MAP4K4: variants seen among roughly 807,000 people sequenced by gnomAD.
The protein encoded by MAP4K4 is mitogen-activated protein kinase kinase kinase kinase 4, also known as HPK/GCK-like kinase HGK.
MAP4K4 carries 38 observed loss-of-function variants against 189.6 expected under a neutral mutation model. The ratio of observed to expected loss-of-function variants is 0.20; its 90% CI spans 0.15 to 0.26. The LOEUF (loss-of-function observed/expected upper bound fraction) is 0.26, where lower values mean the gene tolerates loss of function less well. Ranked by LOEUF, MAP4K4 falls within the 10% of genes least tolerant of loss-of-function variation. MAP4K4 has a pLI of 1.00. For synonymous variants in MAP4K4, 610 were observed against 624.3 expected (o/e 0.98, Z 0.34); for missense variants, 1,054 against 1,726.9 (o/e 0.61, Z 6.91).
rs528990165 is a variant in MAP4K4 at position 101,807,970 on chromosome 2, G to A, written c.181-15958G>A. On this transcript the variant is annotated intron_variant, in intron 3 of 32. Transcript: ENST00000324219. ...ACCTCCAGGCCCTACCTCCAGCATTGGGGATTACAGTTTGACCTGAGATTT... is the reference window on the plus strand; with the variant it reads ...ACCTCCAGGCCCTACCTCCAGCATTAGGGATTACAGTTTGACCTGAGATTT... 2.8e-3 allele frequency among the ~76,000 whole-genome samples: 424 copies of A among 152,276 alleles called. 1 individual carries two copies. Among genetic ancestry groups the A allele is most frequent in the African/African-American group, 9.9e-3 (410 of 41,552 alleles).
chr2:101,861,035 C>G lies in MAP4K4; in HGVS notation c.1866+49C>G, dbSNP rs542499055. On this transcript the variant is annotated intron_variant, in intron 16 of 32. Coordinates refer to ENST00000324219, the Ensembl canonical transcript of MAP4K4. ...GGTTGAGGAGACTCATGCAACGGCT[C>G]GCTGAGCCGCAGGCCTGCTGTAATA... 2.1e-5 allele frequency: 32 copies of G among 1,514,202 alleles called. No individual in the cohort carries two copies. The African/African-American group carries it at 3.6e-4, about 17-fold the overall frequency. The allele number at this position is 1,514,202 out of a possible 1,614,324, so 93.8% of individuals were successfully genotyped here.
chr2:101,866,377 C>T, intron 18 of MAP4K4, 51 bp from the exon 19 acceptor site: 2 of 1,553,600 alleles, frequency 1.3e-6, no homozygotes, highest in Non-Finnish European at 1.8e-6. Flanking sequence ...TAATTTGGTG[C>T]TGCATCTAGA....
intron 27 of MAP4K4, 43 bp from the exon 28 acceptor site, chr2:101,882,508 A>G: frequency 6.9e-7 from 1 of 1,451,360 alleles, no homozygotes; most frequent in Middle Eastern, 1.8e-4. Flanking sequence ...GATGAGACCT[A>G]CTTCTGGATA....
chr2:101,780,458 A>G (rs1016459858), intron 2 of MAP4K4, among the ~76,000 whole-genome samples: 1 of 152,232 alleles, frequency 6.6e-6, no homozygotes, highest in African/African-American at 2.4e-5. Flanking sequence ...ACTTATTGGG[A>G]TTGAGGAAGG....
At chr2:101,791,621 A>G (rs2092896370) in intron 3 of MAP4K4, among the ~76,000 whole-genome samples, 1 of 152,230 alleles carries the variant, frequency 6.6e-6, no homozygotes, top group African/African-American at 2.4e-5. Flanking sequence ...CTTTAAATCC[A>G]GCCATAACTT....
chr2:101,831,620 A>G, intron 6 of MAP4K4, 101 bp from the exon 7 acceptor site: 9 of 1,277,728 alleles, frequency 7.0e-6, no homozygotes, highest in Admixed American at 2.0e-5. Context: ...CTGCTGTTTC[A>G]GTTTACTATG....
intron 2 of MAP4K4, among the ~76,000 whole-genome samples, chr2:101,756,455 A>G (rs571646715): frequency 2.6e-5 from 4 of 152,292 alleles, no homozygotes; most frequent in Non-Finnish European, 4.4e-5. Context: ...TTGACATATT[A>G]TGGAAGGTCA....
chr2:101,885,330 A>AGCT, intron 29 of MAP4K4, 43 bp downstream of exon 29: 1 of 1,150,060 alleles, frequency 8.7e-7, no homozygotes. Flanking sequence ...TGGCCATTCA[A>AGCT]GCTGCAACCA....
At chr2:101,800,700 G>C (rs2094283885) in intron 3 of MAP4K4, among the ~76,000 whole-genome samples, 1 of 151,982 alleles carries the variant, frequency 6.6e-6, no homozygotes, top group Admixed American at 6.6e-5. Context: ...TTTTGTTTTT[G>C]TTTTTAATGC....
chr2:101,831,862 C>G lies in MAP4K4; in HGVS notation c.639+11C>G, dbSNP rs775540927. 2.5e-6 allele frequency: 4 copies of G among 1,612,356 alleles called. No homozygotes were observed. Among genetic ancestry groups the G allele is most frequent in the Non-Finnish European group, 3.4e-6 (4 of 1,179,264 alleles). ...ACCTATGATTACAGAGTAAGAGGCA[C>G]CTGCTCCGTAGGCCTTTGCAGGGCC... On this transcript the variant is annotated intron_variant, in intron 7 of 32. Coordinates refer to ENST00000324219, the Ensembl canonical transcript of MAP4K4.
At chr2:101,721,976 C>T (rs1457124549) in intron 2 of MAP4K4, among the ~76,000 whole-genome samples, 2 of 152,180 alleles carry the variant, frequency 1.3e-5, no homozygotes, top group Non-Finnish European at 2.9e-5. Flanking sequence ...TCCCTAACTC[C>T]TGCTGCAGCT....
chr2:101,840,888 C>CTG (rs1576576538), intron 10 of MAP4K4, among the ~76,000 whole-genome samples: 1 of 152,154 alleles, frequency 6.6e-6, no homozygotes, highest in East Asian at 1.9e-4. Context: ...CTTTTTCCTT[C>CTG]TGATATACTT....
chr2:101,859,909 TA>T, intron 15 of MAP4K4, 45 bp downstream of exon 15: 2 of 1,532,048 alleles, frequency 1.3e-6, no homozygotes, highest in Non-Finnish European at 8.9e-7. Flanking sequence ...TGGAAAGTCG[TA>T]TAACGACTCT....
chr2:101,888,679 A>C, intron 31 of MAP4K4, 117 bp from the exon 32 acceptor site: 1 of 755,620 alleles, frequency 1.3e-6, no homozygotes, highest in South Asian at 4.3e-5. Context: ...TAGGCATTTA[A>C]ATTTTAAATT....
chr2:101,846,508 C>T (rs528225462), intron 12 of MAP4K4, among the ~76,000 whole-genome samples: 5 of 152,236 alleles, frequency 3.3e-5, no homozygotes, highest in South Asian at 2.1e-4. Flanking sequence ...ACTAGTGAGA[C>T]GAGTATCCAT....
At chr2:101,753,074 G>A (rs1316507135) in intron 2 of MAP4K4, among the ~76,000 whole-genome samples, 2 of 152,210 alleles carry the variant, frequency 1.3e-5, no homozygotes, top group Non-Finnish European at 2.9e-5. Context: ...GAGCATACTT[G>A]TACATGCAAT....
At chr2:101,892,921 T>C (rs1202714841) in exon 33 of MAP4K4, 1 of 456,360 alleles carries the variant, frequency 2.2e-6, no homozygotes, top group East Asian at 6.9e-5. Flanking sequence ...TGTCGAGTTC[T>C]GAGTGGAAAT....
chr2:101,882,519 T>C, intron 27 of MAP4K4, 32 bp from the exon 28 acceptor site: 1 of 1,511,890 alleles, frequency 6.6e-7, no homozygotes, highest in Non-Finnish European at 8.9e-7. Context: ...CTTCTGGATA[T>C]GCATGTAAAA....
intron 5 of MAP4K4, 94 bp from the exon 6 acceptor site, chr2:101,829,410 G>T: frequency 1.3e-6 from 1 of 758,714 alleles, no homozygotes; most frequent in Non-Finnish European, 2.3e-6. Flanking sequence ...AAACACCTTT[G>T]GTCCACATGT....
Sources: gnomAD v4.1 joint callset for allele counts (sites outside exome capture counted in the v4.1 genomes callset) on GRCh38, gnomAD v4.1.1 for gene constraint, MANE v1.5 for transcripts, NCBI Gene and HGNC (gene_info 2026-07-23, HGNC 2026-07-21) for gene names.